BBOF1: variants seen among roughly 807,000 people sequenced by gnomAD.
BBOF1 encodes the protein basal body-orientation factor 1.
In BBOF1, 62 loss-of-function variants were observed where a neutral mutation model predicts 68.0. The observed-to-expected ratio is 0.91, with a 90% CI of 0.74 to 1.13. The LOEUF is 1.13. Among genes scored for constraint, BBOF1 ranks in the 50% most tolerant of loss-of-function variants. The pLI is 0.00. For missense variants in BBOF1, 534 were observed against 600.1 expected (o/e 0.89, Z 1.15); for synonymous variants, 208 against 198.8 (o/e 1.05, Z -0.39).
At chr14:74,064,455 G>T (rs1298236061) in intron 11 of BBOF1, among the ~76,000 whole-genome samples, 1 of 152,104 alleles carries the variant, frequency 6.6e-6, no homozygotes, top group African/African-American at 2.4e-5. Flanking sequence ...GAGGGGTGGT[G>T]GTAGTTGGAG....
intron 10 of BBOF1, among the ~76,000 whole-genome samples, chr14:74,078,802 T>A (rs1233070549): frequency 6.6e-6 from 1 of 151,826 alleles, no homozygotes; most frequent in Non-Finnish European, 1.5e-5. Context: ...GTGCTGGGAT[T>A]ACAGGTGTGA....
chr14:74,040,510 C>A, intron 4 of BBOF1, 55 bp from the exon 5 acceptor site: 1 of 1,074,024 alleles, frequency 9.3e-7, no homozygotes. Context: ...AGAATGTGCT[C>A]AATGACCCCC....
At chr14:74,062,051 GAAA>G (rs369414700) in intron 11 of BBOF1, among the ~76,000 whole-genome samples, 27 of 59,612 alleles carry the variant, frequency 4.5e-4, no homozygotes, top group Admixed American at 7.4e-4. Context: ...TCTCTACTGG[GAAA>G]AAAAAAAAAA....
At chr14:74,032,130 T>A (rs996148527) in intron 3 of BBOF1, among the ~76,000 whole-genome samples, 32 of 145,950 alleles carry the variant, frequency 2.2e-4, no homozygotes, top group Admixed American at 8.2e-4. Flanking sequence ...TTTTTTTTTT[T>A]TTTTTTTTTT....
Position 74,065,516 on chromosome 14 carries a change from T to C in BBOF1, c.*817T>C. ...TCAAATCACCTATTTAAAAAAAAAG[T>C]CCTCTCTCAAGTGTATTCCGTCTTC... On this transcript the variant is annotated 3_prime_UTR_variant, in exon 12 of 12. Transcript: ENST00000394009. 1 of 743,174 alleles carries C rather than the reference T, an allele frequency of 1.3e-6. No homozygotes were observed. The highest frequency in any genetic ancestry group is 1.7e-5 in the South Asian group (1 of 58,934). 46.0% of individuals were successfully genotyped at this position (743,174 alleles called of 1,614,324 possible). A position where few individuals can be genotyped will look rare whatever the true frequency, so the allele number is the denominator to read the frequency against.
downstream of BBOF1, chr14:74,068,849 T>G (rs2060508754): frequency 6.2e-7 from 1 of 1,613,758 alleles, no homozygotes; most frequent in East Asian, 2.2e-5. Context: ...AAAAAAGGAA[T>G]AAGAAGTCAC....
At chr14:74,068,808 G>C, downstream of BBOF1, 1 of 1,603,548 alleles carries the variant, frequency 6.2e-7, no homozygotes, top group Non-Finnish European at 8.5e-7. Context: ...CTGTTCCTAG[G>C]TAATTTTCAT....
intron 4 of BBOF1, among the ~76,000 whole-genome samples, chr14:74,039,595 A>ATTT (rs35078321): frequency 2.6e-4 from 38 of 145,050 alleles, no homozygotes; most frequent in African/African-American, 8.7e-4. Flanking sequence ...CGCCTGGCTA[A>ATTT]TTTTTTTTTT....
rs749630423 is a variant in BBOF1 at position 74,075,030 on chromosome 14, A to C, written n.1380-3166A>C. 18 of 1,613,264 alleles carry C rather than the reference A, an allele frequency of 1.1e-5. No individual in the cohort carries two copies. In the Admixed American group the frequency reaches 1.3e-4, roughly 12 times the overall value. On this transcript the variant is annotated intron_variant and non_coding_transcript_variant, in intron 9 of 12. Coordinates refer to the BBOF1 transcript ENST00000492026. Reference sequence around the variant, plus strand: ...CCTTGGAAGAAACCTGTGAGGCAAAAGAACGATTATTTTGATAAATGAGAG... The same window carrying C: ...CCTTGGAAGAAACCTGTGAGGCAAACGAACGATTATTTTGATAAATGAGAG...
exon 10 of BBOF1, chr14:74,078,286 A>C (rs1330383802): frequency 4.4e-6 from 2 of 455,844 alleles, no homozygotes; most frequent in South Asian, 3.1e-5. Flanking sequence ...GGTAGCCAGC[A>C]AGCTCCATGC....
chr14:74,021,031 G>A (rs1353774659), intron 1 of BBOF1, among the ~76,000 whole-genome samples: 1 of 152,162 alleles, frequency 6.6e-6, no homozygotes, highest in Admixed American at 6.6e-5. Flanking sequence ...AGAACCAGAG[G>A]TAGGAAAGTG....
intron 2 of BBOF1, 57 bp downstream of exon 2, chr14:74,023,201 G>A (rs1399129020): frequency 3.1e-6 from 3 of 963,154 alleles, no homozygotes; most frequent in African/African-American, 1.7e-5. Flanking sequence ...TGATGCTGAT[G>A]TGGTTATGTA....
chr14:74,031,174 C>T (rs963514982), intron 3 of BBOF1, among the ~76,000 whole-genome samples: 3 of 150,836 alleles, frequency 2.0e-5, no homozygotes, highest in African/African-American at 4.9e-5. Flanking sequence ...AGTGCAGTGG[C>T]ACAATCATGG....
At chr14:74,050,304 T>G in intron 8 of BBOF1, 109 bp downstream of exon 8, 1 of 1,254,828 alleles carries the variant, frequency 8.0e-7, no homozygotes, top group Non-Finnish European at 1.1e-6. Context: ...TGAATAGATT[T>G]CTCAGTAGGT....
At position 74,050,046 on chromosome 14, in the gene BBOF1, G is replaced by A; in HGVS notation, c.1137G>A (p.Lys379=). 1.2e-6 allele frequency: 2 copies of A among 1,614,136 alleles called. No individual in the cohort carries two copies. The highest frequency in any genetic ancestry group is 1.7e-6 in the Non-Finnish European group (2 of 1,180,032). Residue 379 remains lysine, a synonymous_variant, in exon 8 of 12, where the codon AAG becomes AAA. Transcript: ENST00000394009. ...QVKQQILISR[K]HYKQIAQAAF... ...AGCAACAGATCCTAATTAGCAGGAAGCATTATAAGCAGATAGCACAAGCTG... is the reference window on the plus strand; with the variant it reads ...AGCAACAGATCCTAATTAGCAGGAAACATTATAAGCAGATAGCACAAGCTG...
chr14:74,050,360 C>T (rs1409866977), intron 8 of BBOF1, among the ~76,000 whole-genome samples, 165 bp downstream of exon 8: 2 of 152,108 alleles, frequency 1.3e-5, no homozygotes, highest in African/African-American at 2.4e-5. Flanking sequence ...AATCTCTAGG[C>T]TTAGCATAGC....
downstream of BBOF1, chr14:74,066,686 T>C (rs1042590107): frequency 6.2e-7 from 1 of 1,611,742 alleles, no homozygotes; most frequent in Non-Finnish European, 8.5e-7. Flanking sequence ...CTCATATTTG[T>C]GAAGTGAAAG....
chr14:74,060,746 C>T (rs751410757), intron 11 of BBOF1: 1 of 1,605,366 alleles, frequency 6.2e-7, no homozygotes, highest in South Asian at 1.1e-5. Context: ...AATTGGATGC[C>T]CTAAGGAAAA....
chr14:74,027,902 GTTGTA>G (rs2059471031), intron 2 of BBOF1, among the ~76,000 whole-genome samples: 1 of 152,042 alleles, frequency 6.6e-6, no homozygotes, highest in African/African-American at 2.4e-5. Context: ...ATGATCAAGG[GTTGTA>G]TTGTAGACAA....
Sources: allele counts gnomAD v4.1 joint callset (sites outside exome capture counted in the v4.1 genomes callset), GRCh38; gene constraint gnomAD v4.1.1; transcripts MANE v1.5; gene names NCBI Gene and HGNC (gene_info 2026-07-23, HGNC 2026-07-21).